Variants in CACNA1B observed in about 807,000 individuals in gnomAD.
The protein encoded by CACNA1B is voltage-dependent N-type calcium channel subunit alpha-1B.
Under a neutral mutation model 247.2 loss-of-function variants are expected in CACNA1B, and 70 were observed. The ratio of observed to expected loss-of-function variants is 0.28; its 90% confidence interval spans 0.23 to 0.35. The LOEUF (loss-of-function observed/expected upper bound fraction) is 0.35, where lower values mean the gene tolerates loss of function less well. Ranked by LOEUF, CACNA1B falls within the 10% of genes least tolerant of loss-of-function variation. CACNA1B has a pLI of 1.00. For synonymous variants in CACNA1B, 1,231 were observed against 1,294.4 expected, an observed-to-expected ratio of 0.95 and a Z score of 1.05; for missense variants, 2,367 against 3,197.4, an observed-to-expected ratio of 0.74 and a Z score of 6.26.
chr9:138,122,183 G>A lies in CACNA1B; in HGVS notation c.*184G>A. 1.6e-6 allele frequency: 1 copy of A among 606,978 alleles called. No individual in the cohort carries two copies. Among genetic ancestry groups the A allele is most frequent in the African/African-American group, 1.8e-5 (1 of 54,062 alleles). 37.6% of individuals were successfully genotyped at this position (606,978 alleles called of 1,614,324 possible). Reference sequence around the variant, plus strand: ...AGACGACGAATAAAGCCCTGTTAGAGGATGCGGCTCTCTCTGTCCCCTTCC... The same window carrying A: ...AGACGACGAATAAAGCCCTGTTAGAAGATGCGGCTCTCTCTGTCCCCTTCC... On this transcript the variant is annotated 3_prime_UTR_variant, in exon 47 of 47. Coordinates refer to ENST00000371372, the MANE Select transcript of CACNA1B (RefSeq NM_000718.4).
At chr9:137,949,661 A>AT (rs1320086527) in intron 6 of CACNA1B, among the ~76,000 whole-genome samples, 1 of 152,050 alleles carries the variant, frequency 6.6e-6, no homozygotes, top group Admixed American at 6.6e-5. Context: ...AGAGCTGATG[A>AT]TGCAGTTCCC....
At chr9:137,928,446 G>A (rs1181143564) in intron 6 of CACNA1B, among the ~76,000 whole-genome samples, 1 of 152,138 alleles carries the variant, frequency 6.6e-6, no homozygotes, top group African/African-American at 2.4e-5. Context: ...TGGTATCAAG[G>A]TAACACAAGC....
chr9:137,976,778 C>T (rs1432975961), intron 12 of CACNA1B, among the ~76,000 whole-genome samples: 1 of 124,856 alleles, frequency 8.0e-6, no homozygotes, highest in Admixed American at 7.7e-5. Flanking sequence ...CAGGGCAGGG[C>T]AGTCTGAGAA....
intron 34 of CACNA1B, among the ~76,000 whole-genome samples, chr9:138,074,923 C>T (rs73669860): frequency 0.035 from 5,355 of 152,288 alleles, 323 homozygotes; most frequent in African/African-American, 0.12. Context: ...TGAGCAGGAG[C>T]GCATCGGATC....
At chr9:138,116,060 A>G (rs1961856727) in intron 42 of CACNA1B, among the ~76,000 whole-genome samples, 2 of 152,216 alleles carry the variant, frequency 1.3e-5, no homozygotes, top group Non-Finnish European at 2.9e-5. Flanking sequence ...CACTTAGACC[A>G]CCACGTCCCA....
chr9:138,033,737 C>T (rs1016123410), intron 20 of CACNA1B, among the ~76,000 whole-genome samples: 1 of 152,152 alleles, frequency 6.6e-6, no homozygotes, highest in Non-Finnish European at 1.5e-5. Flanking sequence ...GGTGGCAGGA[C>T]AGAGTGAGCG....
Position 138,058,276 on chromosome 9 carries a change from G to A in CACNA1B, c.4308+26G>A. On this transcript the variant is annotated intron_variant, in intron 28 of 46. Transcript: ENST00000371372. The surrounding 1 kb of genome is among the most constrained non-coding windows in gnomAD (Gnocchi z 4.7). ...GTAGGTGGACGCTCTGTGGAGTCTT[G>A]CAGTGGACAGCGTGGGCAGCGCCAT... 2 of 1,566,420 alleles carry A rather than the reference G, an allele frequency of 1.3e-6. No homozygotes were observed. Among genetic ancestry groups the A allele is most frequent in the Non-Finnish European group, 1.8e-6 (2 of 1,137,696 alleles).
At chr9:138,066,247 G>A (rs1357978730) in intron 31 of CACNA1B, among the ~76,000 whole-genome samples, 4 of 152,234 alleles carry the variant, frequency 2.6e-5, no homozygotes, top group African/African-American at 9.6e-5. Flanking sequence ...GGCTCCACCT[G>A]CAAAGCAGGT....
At chr9:137,940,337 C>T (rs185395770) in intron 6 of CACNA1B, among the ~76,000 whole-genome samples, 1 of 152,210 alleles carries the variant, frequency 6.6e-6, no homozygotes, top group Non-Finnish European at 1.5e-5. Flanking sequence ...GGATAAATTC[C>T]TGGAATGATA....
chr9:137,885,015 C>CT (rs1956990164), intron 3 of CACNA1B, among the ~76,000 whole-genome samples: 1 of 134,516 alleles, frequency 7.4e-6, no homozygotes, highest in East Asian at 2.3e-4. Flanking sequence ...TCCACGCTCT[C>CT]TGTCTCTGGC....
chr9:138,053,757 CT>C, intron 25 of CACNA1B, 88 bp from the exon 26 acceptor site: 2 of 991,302 alleles, frequency 2.0e-6, no homozygotes, highest in Admixed American at 1.8e-5. Context: ...GGCTCCACCC[CT>C]CCCCGTGACC....
At chr9:138,047,583 G>T in intron 23 of CACNA1B, 125 bp downstream of exon 23, 1 of 690,448 alleles carries the variant, frequency 1.4e-6, no homozygotes. Context: ...GTAGGTGTGT[G>T]CGTACTGGGT....
Position 138,114,382 on chromosome 9 carries a change from T to C in CACNA1B, c.5541T>C (p.Asp1847=). ...LDLLVPPHKP[D]EMTVGKVYAA... ...AACTCCTGTGTTCTTTTCCAGCTGATGAGATGACAGTGGGGAAGGTTTATG... is the reference window on the plus strand; with the variant it reads ...AACTCCTGTGTTCTTTTCCAGCTGACGAGATGACAGTGGGGAAGGTTTATG... Residue 1847 remains aspartate (D), a synonymous_variant, in exon 41 of 47, where the codon GAT becomes GAC. Coordinates refer to ENST00000371372, the MANE Select transcript of CACNA1B (RefSeq NM_000718.4). The C allele has an allele frequency of 2.6e-6, 4 of 1,517,950 alleles. No homozygotes were observed. The highest frequency in any genetic ancestry group is 2.7e-6 in the Non-Finnish European group (3 of 1,101,152). 94.0% of individuals were successfully genotyped at this position (1,517,950 alleles called of 1,614,324 possible). A position where few individuals can be genotyped will look rare whatever the true frequency, so the allele number is the denominator to read the frequency against.
intron 13 of CACNA1B, among the ~76,000 whole-genome samples, chr9:137,984,841 C>T (rs763135703): frequency 1.4e-4 from 22 of 152,204 alleles, no homozygotes; most frequent in Non-Finnish European, 2.9e-4. Context: ...AGTTTGCCTA[C>T]AAAGAGACTG....
chr9:138,111,197 A>G (rs1008644422), intron 39 of CACNA1B, among the ~76,000 whole-genome samples: 1 of 152,244 alleles, frequency 6.6e-6, no homozygotes, highest in Non-Finnish European at 1.5e-5. Context: ...CACACAATCT[A>G]TGTGCAGATG....
Position 138,025,166 on chromosome 9 carries a change from G to A in CACNA1B, c.3280G>A (p.Val1094Ile), listed in dbSNP as rs756434498. The change falls in exon 20 of 47, where the codon GTT becomes ATT. Residue 1094 changes from valine to isoleucine, a missense_variant. Val to Ile is a conservative substitution (Grantham distance 29). This residue lies in a region of CACNA1B where 631 missense variants were observed against 631.1 expected (regional missense o/e 1.00). Coordinates refer to ENST00000371372, the MANE Select transcript of CACNA1B (RefSeq NM_000718.4). Reference protein sequence around the residue: ...LTGPLGEATVVPSGNVDLESQ... With the variant: ...LTGPLGEATVIPSGNVDLESQ... The stretch of plus-strand genomic sequence containing the variant: ...GGGCCCTCTTGGGGAAGCCACGGTC[G>A]TTCCCAGTGAGTATCTCCCTGTGCC... 14 of 1,604,534 alleles carry A rather than the reference G, an allele frequency of 8.7e-6. No individual in the cohort carries two copies. The highest frequency in any genetic ancestry group is 2.2e-5 in the South Asian group (2 of 89,436).
At chr9:138,117,566 G>A (rs567344394) in intron 42 of CACNA1B, among the ~76,000 whole-genome samples, 2 of 152,352 alleles carry the variant, frequency 1.3e-5, no homozygotes, top group South Asian at 4.1e-4. Flanking sequence ...TGTGTGGCAA[G>A]GACAACCCCT....
chr9:137,972,159 C>T (rs1958160189), intron 11 of CACNA1B, among the ~76,000 whole-genome samples: 1 of 152,232 alleles, frequency 6.6e-6, no homozygotes, highest in South Asian at 2.1e-4. Flanking sequence ...GTTCCACAAG[C>T]CTCAGCACAG....
intron 3 of CACNA1B, among the ~76,000 whole-genome samples, chr9:137,896,739 C>A (rs547947633): frequency 2.6e-5 from 4 of 152,206 alleles, no homozygotes; most frequent in Non-Finnish European, 5.9e-5. Context: ...TACAGTGAAT[C>A]CAACTGGCCC....
Sources: gnomAD v4.1 joint callset for allele counts (sites outside exome capture counted in the v4.1 genomes callset) on GRCh38, gnomAD v4.1.1 for gene constraint, gnomAD v4.1.1 regional missense constraint, Gnocchi (gnomAD v3.1) non-coding constraint, MANE v1.5 for transcripts, NCBI Gene and HGNC (gene_info 2026-07-23, HGNC 2026-07-21) for gene names.